Variants in REV3L observed in about 807,000 individuals in gnomAD.
REV3L encodes the protein DNA polymerase zeta catalytic subunit.
Under a neutral mutation model 299.4 loss-of-function variants are expected in REV3L, and 69 were observed. The ratio of observed to expected loss-of-function variants is 0.23; its 90% CI spans 0.19 to 0.28. The LOEUF (loss-of-function observed/expected upper bound fraction) is 0.28, where lower values mean the gene tolerates loss of function less well. Among genes scored for constraint, REV3L ranks in the 10% least tolerant of loss-of-function variants. The probability of loss-of-function intolerance (pLI) is 1.00; values close to 1 mark genes in which losing one functional copy is unlikely to be tolerated. For synonymous variants in REV3L, 1,238 were observed against 1,271.4 expected, an observed-to-expected ratio of 0.97 and a Z score of 0.56; for missense variants, 3,128 against 3,693.8, an observed-to-expected ratio of 0.85 and a Z score of 3.97.
intron 31 of REV3L, among the ~76,000 whole-genome samples, chr6:111,301,574 C>T (rs1031319998): frequency 2.0e-5 from 3 of 151,944 alleles, no homozygotes; most frequent in Admixed American, 6.6e-5. Flanking sequence ...TTAACCCTGG[C>T]TAACAATGAG....
intron 31 of REV3L, among the ~76,000 whole-genome samples, chr6:111,305,237 C>T (rs984198019): frequency 1.3e-5 from 2 of 152,048 alleles, no homozygotes; most frequent in African/African-American, 2.4e-5. Flanking sequence ...CCACCACGCC[C>T]GGCCGATTTT....
intron 7 of REV3L, 77 bp downstream of exon 7, chr6:111,389,029 A>C: frequency 9.3e-7 from 1 of 1,074,076 alleles, no homozygotes; most frequent in Non-Finnish European, 1.4e-6. Context: ...CTAATGTCAA[A>C]GGAACAACTC....
Position 111,390,019 on chromosome 6 carries a change from C to A in REV3L, c.757+67G>T, listed in dbSNP as rs1008181068. The A allele has an allele frequency of 1.6e-5, 17 of 1,060,338 alleles. No individual in the cohort carries two copies. The African/African-American group carries it at 2.8e-4, about 18-fold the overall frequency. The allele number at this position is 1,060,338 out of a possible 1,614,324, so 65.7% of individuals were successfully genotyped here. A position where few individuals can be genotyped will look rare whatever the true frequency, so the allele number is the denominator to read the frequency against. The stretch of plus-strand genomic sequence containing the variant: ...AAAGTGCTGGGATTACAGGCGTGAG[C>A]CACCACACCCGCCGGTCATTAATTT... On this transcript the variant is annotated intron_variant, in intron 6 of 31. Transcript: ENST00000368802.
intron 27 of REV3L, among the ~76,000 whole-genome samples, chr6:111,313,872 T>C (rs1773244166): frequency 6.6e-6 from 1 of 152,238 alleles, no homozygotes; most frequent in Non-Finnish European, 1.5e-5. Flanking sequence ...GCAGAATGAT[T>C]GCAGCCCCAT....
In REV3L at chr6:111,305,241, C is replaced by T. The variant is rs540969226; in HGVS notation, c.9252+2120G>A. Among the ~76,000 whole-genome samples the T allele has an allele frequency of 4.3e-4, 66 of 152,166 alleles. 1 individual carries two copies. The highest frequency in any genetic ancestry group is 1.2e-3 in the South Asian group (6 of 4,814). ...GTAGGCATGAGCCACCACGCCCGGC[C>T]GATTTTATTCTTTTTTTATGGCTGT... On this transcript the variant is annotated intron_variant, in intron 31 of 31. Transcript: ENST00000368802.
chr6:111,346,374 C>T (rs1192987551), intron 20 of REV3L, among the ~76,000 whole-genome samples: 1 of 152,132 alleles, frequency 6.6e-6, no homozygotes, highest in Admixed American at 6.6e-5. Context: ...AGGTATTTTG[C>T]TTGTCACTAC....
chr6:111,444,420 C>G (rs1583016930), intron 1 of REV3L, among the ~76,000 whole-genome samples: 2 of 152,172 alleles, frequency 1.3e-5, no homozygotes, highest in African/African-American at 4.8e-5. Flanking sequence ...AAAATGGCCA[C>G]AAATACCACA....
intron 1 of REV3L, among the ~76,000 whole-genome samples, chr6:111,450,610 A>C (rs1789420023): frequency 6.6e-6 from 1 of 152,128 alleles, no homozygotes; most frequent in South Asian, 2.1e-4. Context: ...TTACCAAAAA[A>C]ACAAAACAAA....
Position 111,375,347 on chromosome 6 carries a change from T to C in REV3L, c.3008A>G (p.Gln1003Arg), listed in dbSNP as rs552073393. The C allele has an allele frequency of 3.7e-5, 59 of 1,583,304 alleles. No homozygotes were observed. The South Asian group carries it at 5.4e-4, about 14-fold the overall frequency. Residue 1003 changes from glutamine (Q) to arginine (R), a missense_variant, in exon 13 of 32, where the codon CAA becomes CGA. Gln to Arg is a conservative substitution (Grantham distance 43, BLOSUM62 1). Coordinates refer to ENST00000368802, the MANE Select transcript of REV3L (RefSeq NM_001372078.1). ...CATTTTTTCTTCTGTTAATATTACT[T>C]GTTTTTCTTTAGAGTCTATTTTTCC... The part of the protein sequence containing the change: ...KLGKIDSKEK[Q>R]VILTEEKMEL...
intron 1 of REV3L, chr6:111,431,295 G>A: frequency 2.3e-6 from 3 of 1,298,404 alleles, no homozygotes; most frequent in Non-Finnish European, 3.4e-6. Context: ...GGCCATACTA[G>A]GACACCTGAC....
At chr6:111,437,981 T>C (rs186981399) in intron 1 of REV3L, among the ~76,000 whole-genome samples, 1 of 152,052 alleles carries the variant, frequency 6.6e-6, no homozygotes, top group Non-Finnish European at 1.5e-5. Context: ...GCCTCTCGAG[T>C]AGCTGGAACT....
intron 4 of REV3L, among the ~76,000 whole-genome samples, chr6:111,403,894 A>G (rs1392821943): frequency 2.0e-5 from 3 of 152,224 alleles, no homozygotes; most frequent in Non-Finnish European, 4.4e-5. Flanking sequence ...GGAAATTAAC[A>G]GTGCTACTCC....
At chr6:111,422,678 ACG>A (rs1491397741) in intron 1 of REV3L, among the ~76,000 whole-genome samples, 1,487 of 29,140 alleles carry the variant, frequency 0.051, 261 homozygotes, top group Non-Finnish European at 0.13. Flanking sequence ...ATATATATAT[ACG>A]TATATATATA....
chr6:111,472,070 T>C (rs774255104), intron 1 of REV3L: 2 of 1,244,132 alleles, frequency 1.6e-6, no homozygotes, highest in Non-Finnish European at 2.1e-6. Flanking sequence ...TATTCCATAG[T>C]TTTAAAACAA....
intron 11 of REV3L, 137 bp from the exon 12 acceptor site, chr6:111,377,980 AAAC>A (rs1372395003): frequency 3.1e-6 from 2 of 642,872 alleles, no homozygotes; most frequent in African/African-American, 3.7e-5. Flanking sequence ...CTCTATAGTA[AAAC>A]AATACAAAAA....
intron 3 of REV3L, among the ~76,000 whole-genome samples, chr6:111,409,267 T>C (rs1783983769): frequency 1.3e-5 from 2 of 152,166 alleles, no homozygotes; most frequent in South Asian, 4.1e-4. Context: ...TTTCATTTTG[T>C]CACATAAATG....
intron 9 of REV3L, among the ~76,000 whole-genome samples, chr6:111,382,046 A>G (rs959937409): frequency 1.3e-5 from 2 of 152,252 alleles, no homozygotes; most frequent in African/African-American, 4.8e-5. Context: ...ATAAAAATAC[A>G]AAGAAATGGT....
In REV3L at chr6:111,315,268, T is replaced by C. The variant is rs1448169720; in HGVS notation, c.8465A>G (p.Lys2822Arg). The stretch of plus-strand genomic sequence containing the variant: ...TTACTAATATTACATTCCTCTTACC[T>C]TTTCAAACTTCAATTTCACTGGTTT... ...NPKPVKLKFE[K>R]VYLPCVLQTK... The change falls in exon 27 of 32, where the codon AAG (lysine) becomes AGG (arginine). Residue 2822 changes from lysine (K) to arginine (R), a missense_variant and splice_region_variant. By Grantham distance (26) the Lys-to-Arg change is conservative. Around this residue, in one of 9 missense-constraint regions of REV3L, gnomAD observed 294 missense variants for 377.0 expected, o/e 0.78. Coordinates refer to ENST00000368802, the MANE Select transcript of REV3L (RefSeq NM_001372078.1). 5 of 1,612,270 alleles carry C rather than the reference T, an allele frequency of 3.1e-6. No individual in the cohort carries two copies. The highest frequency in any genetic ancestry group is 4.2e-6 in the Non-Finnish European group (5 of 1,178,486).
rs1780088854 is a variant in REV3L at position 111,374,369 on chromosome 6, G to A, written c.3986C>T (p.Pro1329Leu). The A allele has an allele frequency of 6.2e-7, 1 of 1,613,896 alleles. No homozygotes were observed. Among genetic ancestry groups the A allele is most frequent in the East Asian group, 2.2e-5 (1 of 44,860 alleles). ...HPSVVCNSIG[P>L]GVSKINVQRP... ...TTGAACATTAATTTTTGAGACTCCA[G>A]GTCCTATAGAATTACAAACAACTGA... The change falls in exon 13 of 32, where the codon CCT becomes CTT. Residue 1329 changes from proline to leucine, a missense_variant. Around this residue, in one of 9 missense-constraint regions of REV3L, gnomAD observed 2,409 missense variants for 2,611.8 expected, o/e 0.92. Transcript: ENST00000368802.
Sources: gnomAD v4.1 joint callset for allele counts (sites outside exome capture counted in the v4.1 genomes callset) on GRCh38, gnomAD v4.1.1 for gene constraint, gnomAD v4.1.1 regional missense constraint, MANE v1.5 for transcripts, NCBI Gene and HGNC (gene_info 2026-07-23, HGNC 2026-07-21) for gene names.